Variants in PNKD observed in about 807,000 individuals in gnomAD.
PNKD encodes probable thioesterase PNKD.
Under a neutral mutation model 45.3 loss-of-function variants are expected in PNKD, and 36 were observed. The ratio of observed to expected loss-of-function variants is 0.80; its 90% CI spans 0.61 to 1.05. The LOEUF (loss-of-function observed/expected upper bound fraction) is 1.05. Ranked by LOEUF, PNKD falls within the 50% of genes least tolerant of loss-of-function variation. PNKD has a pLI of 0.00. For missense variants in PNKD, 511 were observed against 506.6 expected (o/e 1.01, Z -0.08); for synonymous variants, 197 against 210.1 (o/e 0.94, Z 0.54).
At chr2:218,285,137 C>T (rs957253130) in intron 2 of PNKD, among the ~76,000 whole-genome samples, 14 of 152,084 alleles carry the variant, frequency 9.2e-5, no homozygotes, top group South Asian at 2.1e-4. Context: ...GAATGAAACC[C>T]GACCCCTGAT....
intron 2 of PNKD, among the ~76,000 whole-genome samples, chr2:218,305,625 T>G (rs1252833772): frequency 1.3e-5 from 2 of 152,118 alleles, no homozygotes; most frequent in African/African-American, 4.8e-5. Flanking sequence ...TCCAAAGTGC[T>G]GGGATTACAT....
chr2:218,333,776 T>G (rs921736002), intron 2 of PNKD, among the ~76,000 whole-genome samples: 1 of 152,062 alleles, frequency 6.6e-6, no homozygotes, highest in Non-Finnish European at 1.5e-5. Context: ...TGCAAGGTGG[T>G]GTCTGTCAGA....
rs756863425 is a variant in PNKD, at chr2:218,340,130, C to T, written c.454C>T (p.Arg152Trp). The part of the protein sequence containing the change: ...LAVAVDPSDP[R>W]AVQASIEKEG... ...TGTGGCTGTGGACCCTTCAGACCCT[C>T]GGGCTGTGCAGGTGAGGGGAGGGCA... Residue 152 changes from arginine to tryptophan, a missense_variant, in exon 4 of 10, where the codon CGG becomes TGG. Physicochemically the swap from Arg to Trp is moderately radical, Grantham distance 101 (BLOSUM62 -3). Transcript: ENST00000273077. The surrounding 1 kb of genome is among the most constrained non-coding windows in gnomAD (Gnocchi z 4.2). 3.6e-5 allele frequency: 58 copies of T among 1,610,474 alleles called. No homozygotes were observed. Among genetic ancestry groups the T allele is most frequent in the Non-Finnish European group, 4.6e-5 (54 of 1,177,058 alleles).
At chr2:218,270,699 T>C (rs896039318) in intron 1 of PNKD, 97 bp downstream of exon 1, 3 of 433,974 alleles carry the variant, frequency 6.9e-6, no homozygotes, top group Non-Finnish European at 1.2e-5. Flanking sequence ...TCTTGGTTCC[T>C]CCCCACACTT....
intron 2 of PNKD, among the ~76,000 whole-genome samples, chr2:218,273,796 C>T (rs180755582): frequency 6.6e-6 from 1 of 152,164 alleles, no homozygotes; most frequent in East Asian, 1.9e-4. Context: ...CCGCACCAGG[C>T]CCAGTTTCCT....
chr2:218,332,754 T>G (rs1169849948), intron 2 of PNKD, among the ~76,000 whole-genome samples: 1 of 148,696 alleles, frequency 6.7e-6, no homozygotes, highest in Non-Finnish European at 1.5e-5. Flanking sequence ...CTCCTGCCCC[T>G]TTTCTCCACT....
intron 2 of PNKD, chr2:218,275,258 C>A: frequency 2.0e-6 from 1 of 499,172 alleles, no homozygotes; most frequent in East Asian, 3.5e-5. Context: ...CCTGCCAAGC[C>A]CACCAAGAGC....
intron 2 of PNKD, chr2:218,323,120 C>G (rs1330598833): frequency 1.6e-6 from 2 of 1,229,280 alleles, no homozygotes; most frequent in East Asian, 6.8e-5. Flanking sequence ...GGTGAGGGGG[C>G]GGGTCCAAAG....
At chr2:218,296,147 C>T (rs1693135057) in intron 2 of PNKD, among the ~76,000 whole-genome samples, 2 of 152,138 alleles carry the variant, frequency 1.3e-5, no homozygotes, top group Non-Finnish European at 2.9e-5. Context: ...TGCGCCCGGC[C>T]AAACAATATT....
chr2:218,278,182 G>T (rs1346597797), intron 2 of PNKD: 2 of 621,932 alleles, frequency 3.2e-6, no homozygotes, highest in Non-Finnish European at 5.6e-6. Flanking sequence ...TGTGGCGCCA[G>T]AAACACCTGG....
At chr2:218,280,192 C>T (rs1253627211) in intron 2 of PNKD, 1 of 1,168,052 alleles carries the variant, frequency 8.6e-7, no homozygotes, top group Admixed American at 1.7e-5. Context: ...CCAAAGCCTC[C>T]CTGACAATCT....
chr2:218,278,515 C>T, intron 2 of PNKD: 4 of 1,614,122 alleles, frequency 2.5e-6, no homozygotes, highest in Non-Finnish European at 2.5e-6. Flanking sequence ...TGGGACTCAC[C>T]TGGGTCCCTG....
intron 2 of PNKD, among the ~76,000 whole-genome samples, chr2:218,319,692 G>A (rs1020623154): frequency 3.9e-5 from 6 of 152,200 alleles, no homozygotes; most frequent in Non-Finnish European, 8.8e-5. Context: ...TGTATTATAG[G>A]ATGTTTAGCA....
chr2:218,282,962 A>C (rs1692175726), intron 2 of PNKD, among the ~76,000 whole-genome samples: 1 of 152,118 alleles, frequency 6.6e-6, no homozygotes, highest in South Asian at 2.1e-4. Flanking sequence ...CTTGCTAGGG[A>C]AGAGAGAGTG....
rs148049021 is a variant in PNKD, at chr2:218,272,729, G to A, written c.236+1180G>A. The A allele has an allele frequency of 9.8e-4, 1,575 of 1,614,156 alleles. 13 individuals are homozygous for A. In the East Asian group the frequency reaches 0.022, roughly 22 times the overall value. On this transcript the variant is annotated intron_variant, in intron 2 of 9. Coordinates refer to ENST00000273077, the MANE Select transcript of PNKD (RefSeq NM_015488.5). ...TCAGGGCTTCCTCCCAGAGTGCCCC[G>A]TCCCCTGATGTTGGGTCTGGGGTGC...
Position 218,293,580 on chromosome 2 carries a change from C to CTTTT in PNKD, c.236+22050_236+22053dup, listed in dbSNP as rs34887009. Among the ~76,000 whole-genome samples the CTTTT allele has an allele frequency of 6.1e-5, 6 of 98,684 alleles. 1 individual carries two copies. Among genetic ancestry groups the CTTTT allele is most frequent in the Admixed American group, 1.3e-4 (1 of 7,490 alleles). The allele number at this position is 98,684 out of a possible 152,430, so 64.7% of individuals were successfully genotyped here. A position where few individuals can be genotyped will look rare whatever the true frequency, so the allele number is the denominator to read the frequency against. ...CAGCACCACACCACCACTGAATGTC[C>CTTTT]TTTTTTTTTTTTTTTTTTTTTTCCA... On this transcript the variant is annotated intron_variant, in intron 2 of 9. Coordinates refer to ENST00000273077, the MANE Select transcript of PNKD (RefSeq NM_015488.5).
At chr2:218,309,205 G>A (rs774892860) in intron 2 of PNKD, among the ~76,000 whole-genome samples, 3 of 151,998 alleles carry the variant, frequency 2.0e-5, no homozygotes, top group Non-Finnish European at 4.4e-5. Flanking sequence ...TCACAGCCGG[G>A]TGTGGTGGCC....
At chr2:218,315,285 G>T (rs1202447521) in intron 2 of PNKD, among the ~76,000 whole-genome samples, 1 of 151,512 alleles carries the variant, frequency 6.6e-6, no homozygotes, top group Non-Finnish European at 1.5e-5. Context: ...GGGACTACAG[G>T]CACGCGCCAC....
At chr2:218,323,349 GTGAGCCC>G (rs771409063) in intron 2 of PNKD, 1 of 1,581,800 alleles carries the variant, frequency 6.3e-7, no homozygotes, top group Admixed American at 1.7e-5. Flanking sequence ...CGTCCTACTT[GTGAGCCC>G]CCGCGGCTGC....
Sources: allele counts gnomAD v4.1 joint callset (sites outside exome capture counted in the v4.1 genomes callset), GRCh38; gene constraint gnomAD v4.1.1; non-coding constraint Gnocchi (gnomAD v3.1); transcripts MANE v1.5; gene names NCBI Gene and HGNC (gene_info 2026-07-23, HGNC 2026-07-21).